The following MCM5 variants were observed in gnomAD, a reference collection of about 807,000 sequenced individuals.
The protein encoded by MCM5 is minichromosome maintenance complex component 5, also known as DNA replication licensing factor MCM5.
A neutral mutation model predicts 79.9 loss-of-function variants in MCM5; 46 were observed. That is an observed-to-expected ratio of 0.58 (90% CI 0.45 to 0.74). The LOEUF is 0.74. Among genes scored for constraint, MCM5 ranks in the 30% least tolerant of loss-of-function variants. MCM5 has a pLI of 0.00. For missense variants in MCM5, 883 were observed against 1,017.0 expected (o/e 0.87, Z 1.79); for synonymous variants, 404 against 390.5 (o/e 1.03, Z -0.41).
the MCM5 span, among the ~76,000 whole-genome samples, chr22:35,449,402 T>A: frequency 2.0e-5 from 3 of 152,196 alleles, no homozygotes; most frequent in Non-Finnish European, 4.4e-5. Context: ...ATGGCCTCTC[T>A]GTCCCAGCCA....
intron 13 of MCM5, 60 bp from the exon 14 acceptor site, chr22:35,419,824 G>A: frequency 6.5e-7 from 1 of 1,526,982 alleles, no homozygotes; most frequent in Admixed American, 2.0e-5. Flanking sequence ...CTGGGGGAAA[G>A]GGTAGGTGCC....
At chr22:35,443,015 T>G in the MCM5 span, among the ~76,000 whole-genome samples, 1 of 152,194 alleles carries the variant, frequency 6.6e-6, no homozygotes, top group Non-Finnish European at 1.5e-5. Context: ...CTCTGGAAAC[T>G]GCATCCTCCT....
chr22:35,422,046 T>A, intron 15 of MCM5: 1 of 178,228 alleles, frequency 5.6e-6, no homozygotes, highest in East Asian at 1.4e-4. Context: ...CTACCTACGC[T>A]GGGGAAAATC....
downstream of MCM5, among the ~76,000 whole-genome samples, chr22:35,427,428 G>A (rs1373012166): frequency 6.6e-6 from 1 of 151,344 alleles, no homozygotes. Flanking sequence ...AAGGTTTTAT[G>A]TTTTTGGGTG....
downstream of MCM5, among the ~76,000 whole-genome samples, chr22:35,425,649 C>A (rs1424473975): frequency 2.0e-5 from 3 of 152,010 alleles, no homozygotes; most frequent in Non-Finnish European, 4.4e-5. Flanking sequence ...GGCAACCTTA[C>A]TGGGCGCGCT....
At chr22:35,410,306 G>A in intron 6 of MCM5, 1 of 189,004 alleles carries the variant, frequency 5.3e-6, no homozygotes. Context: ...GAGGCAAAAA[G>A]GGCGAGTGGC....
the MCM5 span, among the ~76,000 whole-genome samples, chr22:35,438,995 TCATCCATC>T: frequency 3.9e-4 from 3 of 7,740 alleles, no homozygotes; most frequent in South Asian, 2.4e-3. Flanking sequence ...ACCCACATAT[TCATCCATC>T]CATCCATCCA....
chr22:35,406,418 G>A, intron 4 of MCM5, 135 bp from the exon 5 acceptor site: 1 of 765,528 alleles, frequency 1.3e-6, no homozygotes, highest in Non-Finnish European at 2.1e-6. Context: ...TTTTTGAGCG[G>A]AACAGAAGAG....
the MCM5 span, among the ~76,000 whole-genome samples, chr22:35,454,400 C>G: frequency 6.6e-6 from 1 of 152,204 alleles, no homozygotes; most frequent in Non-Finnish European, 1.5e-5. Flanking sequence ...CTTCTCCCCT[C>G]CCCTCTCTCT....
At position 35,403,506 on chromosome 22, in the gene MCM5, G is replaced by T. The variant is rs61731684; in HGVS notation, c.387G>T (p.Lys129Asn). ...TCCAGGACATCCAGGTCATGCTCAA[G>T]TCGGACGCCAGCCCTTCCAGCATTC... Reference protein sequence around the residue: ...EVLQDIQVMLKSDASPSSIRS... With the variant: ...EVLQDIQVMLNSDASPSSIRS... Residue 129 changes from lysine (K) to asparagine (N), a missense_variant, in exon 4 of 17, where the codon AAG becomes AAT. Lys to Asn is a moderately conservative substitution (Grantham distance 94). This residue lies in a region of MCM5 where 455 missense variants were observed against 517.5 expected (regional missense o/e 0.88). Coordinates refer to ENST00000216122, the MANE Select transcript of MCM5 (RefSeq NM_006739.4). 1.7e-4 allele frequency: 267 copies of T among 1,614,152 alleles called. No homozygotes were observed. In the African/African-American group the frequency reaches 2.6e-3, roughly 16 times the overall value.
the MCM5 span, among the ~76,000 whole-genome samples, chr22:35,439,048 C>T: frequency 3.3e-5 from 5 of 150,306 alleles, no homozygotes; most frequent in Non-Finnish European, 7.4e-5. Flanking sequence ...TTCATCCGTC[C>T]ACCCACCCAC....
chr22:35,436,164 C>CAAAAAAAAAAAAAAAAA, the MCM5 span, among the ~76,000 whole-genome samples: 1 of 61,072 alleles, frequency 1.6e-5, no homozygotes, highest in African/African-American at 4.5e-5. Context: ...AACTCAGTCT[C>CAAAAAAAAAAAAAAAAA]AAAAAAAAAA....
chr22:35,401,690 C>A, intron 2 of MCM5: 2 of 471,060 alleles, frequency 4.2e-6, no homozygotes, highest in South Asian at 3.1e-5. Context: ...CACCTGTGTG[C>A]CAGGCACTGC....
the MCM5 span, among the ~76,000 whole-genome samples, chr22:35,434,823 C>A: frequency 6.6e-6 from 1 of 152,142 alleles, no homozygotes; most frequent in Admixed American, 6.5e-5. Flanking sequence ...TTTACCCCGA[C>A]AATGCTTTGG....
the MCM5 span, among the ~76,000 whole-genome samples, chr22:35,452,305 C>T: frequency 2.0e-5 from 3 of 152,162 alleles, no homozygotes; most frequent in African/African-American, 7.2e-5. Flanking sequence ...GACCACACCA[C>T]TTTTCTCCAC....
the MCM5 span, among the ~76,000 whole-genome samples, chr22:35,439,142 C>T: frequency 1.3e-5 from 2 of 149,242 alleles, no homozygotes; most frequent in Non-Finnish European, 3.0e-5. Flanking sequence ...CATCCACTCA[C>T]ATATTCATCC....
the MCM5 span, among the ~76,000 whole-genome samples, chr22:35,433,506 C>T: frequency 6.6e-6 from 1 of 152,220 alleles, no homozygotes; most frequent in Non-Finnish European, 1.5e-5. Flanking sequence ...ATGCTCCTCT[C>T]CTAACCCAGG....
intron 6 of MCM5, chr22:35,409,412 A>AC (rs1932311117): frequency 1.3e-5 from 2 of 152,324 alleles, no homozygotes; most frequent in East Asian, 3.9e-4. Context: ...TGTATCTAAA[A>AC]AAAAAAAATT....
intron 8 of MCM5, among the ~76,000 whole-genome samples, chr22:35,413,159 C>T (rs1236390114): frequency 6.6e-6 from 1 of 152,028 alleles, no homozygotes; most frequent in Non-Finnish European, 1.5e-5. Flanking sequence ...TCTCCTGCCT[C>T]AGCCTCCCGA....
Sources: gnomAD v4.1 joint callset for allele counts (sites outside exome capture counted in the v4.1 genomes callset) on GRCh38, gnomAD v4.1.1 for gene constraint, gnomAD v4.1.1 regional missense constraint, MANE v1.5 for transcripts, NCBI Gene and HGNC (gene_info 2026-07-23, HGNC 2026-07-21) for gene names.